GALNT17: variants seen among roughly 807,000 people sequenced by gnomAD.
The protein encoded by GALNT17 is polypeptide N-acetylgalactosaminyltransferase 17, also known as UDP-GalNAc:polypeptide N-acetylgalactosaminyltransferase-like 3.
In GALNT17, 29 loss-of-function variants were observed where a neutral mutation model predicts 63.7. The observed-to-expected ratio is 0.46, with a 90% CI of 0.34 to 0.62. The LOEUF is 0.62. Among genes scored for constraint, GALNT17 ranks in the 20% least tolerant of loss-of-function variants. The pLI, the probability that GALNT17 is intolerant of heterozygous loss-of-function variation, is 0.01. For missense variants in GALNT17, 603 were observed against 799.6 expected (o/e 0.75, Z 2.97); for synonymous variants, 305 against 318.3 (o/e 0.96, Z 0.45).
At position 71,371,801 on chromosome 7, in the gene GALNT17, A is replaced by G. The variant is rs553964277; in HGVS notation, c.423-16434A>G. On this transcript the variant is annotated intron_variant, in intron 2 of 10. Coordinates refer to ENST00000333538, the MANE Select transcript of GALNT17 (RefSeq NM_022479.3). Reference sequence around the variant, plus strand: ...AGACGTGCACTATTATACCCCATGGAGATAGGAAAGGACCCCCAACACCAT... The same window carrying G: ...AGACGTGCACTATTATACCCCATGGGGATAGGAAAGGACCCCCAACACCAT... 1.2e-4 allele frequency among the ~76,000 whole-genome samples: 18 copies of G among 152,214 alleles called. No individual in the cohort carries two copies. The East Asian group carries it at 3.5e-3, about 29-fold the overall frequency.
At chr7:71,136,412 T>G (rs967891491) in intron 1 of GALNT17, among the ~76,000 whole-genome samples, 4 of 152,178 alleles carry the variant, frequency 2.6e-5, no homozygotes, top group African/African-American at 9.7e-5. Context: ...TTGCTCAAGT[T>G]TCTTAAATCT....
At chr7:71,436,028 GAAA>G (rs71089944) in intron 5 of GALNT17, among the ~76,000 whole-genome samples, 1 of 137,324 alleles carries the variant, frequency 7.3e-6, no homozygotes, top group Admixed American at 7.2e-5. Flanking sequence ...TCAAAAAAAA[GAAA>G]AAAAAAAAAA....
chr7:71,288,479 C>G (rs1431202198), intron 1 of GALNT17, among the ~76,000 whole-genome samples: 1 of 152,176 alleles, frequency 6.6e-6, no homozygotes, highest in Non-Finnish European at 1.5e-5. Flanking sequence ...TCCCATGAGT[C>G]TGTCTTTTCC....
chr7:71,542,478 C>T (rs895575771), intron 5 of GALNT17, among the ~76,000 whole-genome samples: 4 of 151,890 alleles, frequency 2.6e-5, no homozygotes, highest in Non-Finnish European at 5.9e-5. Context: ...GGGCAGATCA[C>T]GAGGTCAGGA....
chr7:71,426,337 T>G (rs141315297), intron 5 of GALNT17, among the ~76,000 whole-genome samples: 1 of 152,244 alleles, frequency 6.6e-6, no homozygotes, highest in African/African-American at 2.4e-5. Flanking sequence ...GGTTCGTCTA[T>G]GTAAGACTTT....
chr7:71,309,030 C>A (rs2115929967), intron 1 of GALNT17, among the ~76,000 whole-genome samples: 1 of 152,280 alleles, frequency 6.6e-6, no homozygotes, highest in Admixed American at 6.5e-5. Context: ...AGATGTGAGC[C>A]ACTGCGCCCA....
intron 1 of GALNT17, among the ~76,000 whole-genome samples, chr7:71,160,199 T>G (rs948691263): frequency 6.6e-6 from 1 of 152,206 alleles, no homozygotes; most frequent in African/African-American, 2.4e-5. Context: ...ACATTTTGCT[T>G]CTTTTTATCC....
chr7:71,215,666 T>C (rs1789463736), intron 1 of GALNT17, among the ~76,000 whole-genome samples: 2 of 152,122 alleles, frequency 1.3e-5, no homozygotes, highest in Non-Finnish European at 2.9e-5. Flanking sequence ...TACTATGTCA[T>C]GTCACCTGTA....
chr7:71,182,586 C>CT (rs1788754543), intron 1 of GALNT17, among the ~76,000 whole-genome samples: 1 of 152,036 alleles, frequency 6.6e-6, no homozygotes, highest in African/African-American at 2.4e-5. Context: ...TATTACTTTG[C>CT]TTAAACTCTG....
At chr7:71,582,556 G>A (rs1789651961) in intron 6 of GALNT17, among the ~76,000 whole-genome samples, 1 of 151,946 alleles carries the variant, frequency 6.6e-6, no homozygotes, top group African/African-American at 2.4e-5. Flanking sequence ...ACTCCAGCCT[G>A]GTGACAGAGC....
intron 6 of GALNT17, among the ~76,000 whole-genome samples, chr7:71,592,010 C>T (rs575832308): frequency 5.3e-5 from 8 of 152,272 alleles, no homozygotes; most frequent in Admixed American, 2.0e-4. Flanking sequence ...ATGCCAAGGG[C>T]GCAGATGGAG....
At position 71,554,889 on chromosome 7, in the gene GALNT17, A is replaced by G. The variant is rs529248635; in HGVS notation, c.963-16396A>G. Among the ~76,000 whole-genome samples the G allele has an allele frequency of 2.6e-5, 4 of 152,334 alleles. No individual in the cohort carries two copies. The East Asian group carries it at 5.8e-4, about 22-fold the overall frequency. On this transcript the variant is annotated intron_variant, in intron 5 of 10. Coordinates refer to ENST00000333538, the MANE Select transcript of GALNT17 (RefSeq NM_022479.3). ...GTGTGTGTCTGTTTTGCATTGCTCTAAAAGAATATCTGAGGCTGGATAATT... is the reference window on the plus strand; with the variant it reads ...GTGTGTGTCTGTTTTGCATTGCTCTGAAAGAATATCTGAGGCTGGATAATT...
intron 6 of GALNT17, among the ~76,000 whole-genome samples, chr7:71,641,255 G>A (rs1378683071): frequency 6.6e-6 from 1 of 152,122 alleles, no homozygotes; most frequent in African/African-American, 2.4e-5. Flanking sequence ...CAGAGGTTAA[G>A]CAGACCCACG....
At chr7:71,492,657 A>G (rs1788029892) in intron 5 of GALNT17, among the ~76,000 whole-genome samples, 1 of 152,230 alleles carries the variant, frequency 6.6e-6, no homozygotes, top group South Asian at 2.1e-4. Context: ...TACTCATGTG[A>G]AAGTGAGCAC....
intron 5 of GALNT17, among the ~76,000 whole-genome samples, chr7:71,474,344 A>T (rs1787688786): frequency 6.6e-6 from 1 of 152,056 alleles, no homozygotes; most frequent in African/African-American, 2.4e-5. Context: ...CTCCCATCTC[A>T]TCCTGTGACT....
chr7:71,149,486 G>T (rs944225032), intron 1 of GALNT17, among the ~76,000 whole-genome samples: 3 of 152,082 alleles, frequency 2.0e-5, no homozygotes, highest in African/African-American at 7.2e-5. Flanking sequence ...GGCGAAACGT[G>T]TGCTGGGGTG....
rs1194873254 is a variant in GALNT17, at chr7:71,550,910, T to C, written c.963-20375T>C. Among the ~76,000 whole-genome samples the C allele has an allele frequency of 2.6e-5, 4 of 152,198 alleles. No individual in the cohort carries two copies. The East Asian group carries it at 7.7e-4, about 29-fold the overall frequency. On this transcript the variant is annotated intron_variant, in intron 5 of 10. Transcript: ENST00000333538. ...TTTTTACAAGATTTTGCCTTTGTTT[T>C]TAAATTTCCCATTATGATGTATCTA...
At chr7:71,418,654 G>A (rs1298271857) in intron 4 of GALNT17, among the ~76,000 whole-genome samples, 1 of 152,204 alleles carries the variant, frequency 6.6e-6, no homozygotes, top group Admixed American at 6.5e-5. Flanking sequence ...CAAGTTAAAT[G>A]GGAATTGGAG....
chr7:71,299,627 A>G (rs1554350190), intron 1 of GALNT17, among the ~76,000 whole-genome samples: 2 of 152,102 alleles, frequency 1.3e-5, no homozygotes, highest in Admixed American at 6.5e-5. Context: ...AGACATTGCC[A>G]CTGTAGCGCT....
Sources: allele counts gnomAD v4.1 joint callset (sites outside exome capture counted in the v4.1 genomes callset), GRCh38; gene constraint gnomAD v4.1.1; transcripts MANE v1.5; gene names NCBI Gene and HGNC (gene_info 2026-07-23, HGNC 2026-07-21).